SLC35D1: variants seen among roughly 807,000 people sequenced by gnomAD.
SLC35D1 encodes solute carrier family 35 member D1.
SLC35D1 carries 31 observed loss-of-function variants against 46.7 expected under a neutral mutation model. The observed-to-expected ratio is 0.66, with a 90% CI of 0.50 to 0.90. The LOEUF is 0.90. Among genes scored for constraint, SLC35D1 ranks in the 40% least tolerant of loss-of-function variants. The pLI, the probability that SLC35D1 is intolerant of heterozygous loss-of-function variation, is 0.00. For synonymous variants in SLC35D1, 195 were observed against 164.6 expected (o/e 1.18, Z -1.41); for missense variants, 397 against 426.2 (o/e 0.93, Z 0.60).
At chr1:67,006,158 A>G (rs1038334508) in intron 11 of SLC35D1, among the ~76,000 whole-genome samples, 5 of 152,044 alleles carry the variant, frequency 3.3e-5, no homozygotes, top group African/African-American at 9.7e-5. Flanking sequence ...CATGAACCCA[A>G]TTCTTATGCC....
At chr1:67,032,101 G>A (rs1668028260) in intron 8 of SLC35D1, 8 of 985,150 alleles carry the variant, frequency 8.1e-6, no homozygotes, top group Non-Finnish European at 9.6e-6. Context: ...TGGCTGACTG[G>A]TAGCTGTGAT....
the SLC35D1 span, chr1:66,981,862 G>C: frequency 6.2e-7 from 1 of 1,613,926 alleles, no homozygotes; most frequent in African/African-American, 1.3e-5. Flanking sequence ...GCATCAAACA[G>C]TAGTAACAGC....
At chr1:67,014,737 T>C (rs913064596) in intron 10 of SLC35D1, among the ~76,000 whole-genome samples, 3 of 124,230 alleles carry the variant, frequency 2.4e-5, no homozygotes, top group East Asian at 5.4e-4. Context: ...CTCTACTAAA[T>C]GTTGTAAGGT....
chr1:66,993,175 T>C, the SLC35D1 span, among the ~76,000 whole-genome samples: 11 of 152,190 alleles, frequency 7.2e-5, no homozygotes, highest in South Asian at 1.0e-3. Context: ...AAGACGTTAG[T>C]AGGCTCTGAG....
At chr1:67,036,722 T>C (rs200767631) in intron 8 of SLC35D1, among the ~76,000 whole-genome samples, 1 of 130,096 alleles carries the variant, frequency 7.7e-6, no homozygotes, top group South Asian at 2.6e-4. Context: ...TTTTTTTTTT[T>C]TCTTTTTTTA....
At chr1:66,997,519 A>AT (rs1553262616), downstream of SLC35D1, among the ~76,000 whole-genome samples, 4,046 of 73,948 alleles carry the variant, frequency 0.055, 153 homozygotes, top group African/African-American at 0.086. Flanking sequence ...AAAAAAAAAA[A>AT]ATATATATAT....
chr1:67,020,154 C>T (rs1667767898), intron 10 of SLC35D1, among the ~76,000 whole-genome samples: 1 of 152,144 alleles, frequency 6.6e-6, no homozygotes, highest in African/African-American at 2.4e-5. Flanking sequence ...TTCCTTTTCC[C>T]ATGCTCTTCA....
intron 8 of SLC35D1, among the ~76,000 whole-genome samples, chr1:67,034,252 G>A (rs571449395): frequency 6.6e-6 from 1 of 152,164 alleles, no homozygotes; most frequent in South Asian, 2.1e-4. Context: ...TTTGACAGGG[G>A]TTGAATTAAA....
At chr1:66,997,537 T>TATATATATATAA (rs1247400741), downstream of SLC35D1, among the ~76,000 whole-genome samples, 357 of 133,090 alleles carry the variant, frequency 2.7e-3, 3 homozygotes, top group East Asian at 0.022. Context: ...TATATATATA[T>TATATATATATAA]AACCCCTTTA....
At chr1:67,034,956 T>C in intron 8 of SLC35D1, among the ~76,000 whole-genome samples, 1 of 152,212 alleles carries the variant, frequency 6.6e-6, no homozygotes, top group African/African-American at 2.4e-5. Context: ...TCTGTTGATA[T>C]GATGTATTAC....
chr1:67,040,198 T>C (rs778312007), intron 8 of SLC35D1, among the ~76,000 whole-genome samples: 17 of 152,082 alleles, frequency 1.1e-4, no homozygotes, highest in African/African-American at 3.4e-4. Flanking sequence ...AGTTTTGCCA[T>C]GTTGCCCAGG....
chr1:67,048,609 T>C (rs1645275368), intron 6 of SLC35D1, among the ~76,000 whole-genome samples: 1 of 152,160 alleles, frequency 6.6e-6, no homozygotes, highest in African/African-American at 2.4e-5. Context: ...ACTACAGGAA[T>C]GTGATGAAGG....
chr1:66,976,483 GATTAT>G, the SLC35D1 span: 1 of 895,874 alleles, frequency 1.1e-6, no homozygotes, highest in African/African-American at 1.7e-5. Flanking sequence ...TTATATATAG[GATTAT>G]ATTTCAGTTA....
At chr1:67,010,386 T>C (rs2102241365) in intron 10 of SLC35D1, among the ~76,000 whole-genome samples, 1 of 152,272 alleles carries the variant, frequency 6.6e-6, no homozygotes, top group East Asian at 1.9e-4. Context: ...GGTGGGGACT[T>C]TACCAATACA....
intron 10 of SLC35D1, among the ~76,000 whole-genome samples, chr1:67,016,680 TCTAA>T (rs1667692755): frequency 6.6e-6 from 1 of 152,132 alleles, no homozygotes; most frequent in African/African-American, 2.4e-5. Flanking sequence ...AAAACATCTT[TCTAA>T]CTAATTTCTC....
the SLC35D1 span, among the ~76,000 whole-genome samples, chr1:66,982,741 A>G: frequency 2.6e-5 from 4 of 152,132 alleles, no homozygotes; most frequent in Admixed American, 6.5e-5. Flanking sequence ...TTGGTCTCAC[A>G]TTGGTCCTGC....
chr1:67,015,098 T>C (rs1489154271), intron 10 of SLC35D1, among the ~76,000 whole-genome samples: 1 of 148,358 alleles, frequency 6.7e-6, no homozygotes, highest in Non-Finnish European at 1.5e-5. Flanking sequence ...GCAAAGTATA[T>C]TCCAAAAGGA....
chr1:67,011,681 A>G (rs1049193022), intron 10 of SLC35D1, among the ~76,000 whole-genome samples: 2 of 151,850 alleles, frequency 1.3e-5, no homozygotes, highest in Non-Finnish European at 2.9e-5. Context: ...ATGAAGTTTC[A>G]CCATGTTGCC....
intron 6 of SLC35D1, among the ~76,000 whole-genome samples, chr1:67,048,671 G>A (rs1645275896): frequency 6.6e-6 from 1 of 152,214 alleles, no homozygotes; most frequent in African/African-American, 2.4e-5. Flanking sequence ...GAAAACATAT[G>A]TCTGGCAGAA....
Sources: allele counts gnomAD v4.1 joint callset (sites outside exome capture counted in the v4.1 genomes callset), GRCh38; gene constraint gnomAD v4.1.1; transcripts MANE v1.5; gene names NCBI Gene and HGNC (gene_info 2026-07-23, HGNC 2026-07-21).